Variants in SUCLA2 observed in about 807,000 individuals in gnomAD.
SUCLA2 encodes succinate-CoA ligase ADP-forming subunit beta.
A neutral mutation model predicts 54.8 loss-of-function variants in SUCLA2; 30 were observed. The ratio of observed to expected loss-of-function variants is 0.55; its 90% CI spans 0.41 to 0.74. The LOEUF (loss-of-function observed/expected upper bound fraction) is 0.74. Ranked by LOEUF, SUCLA2 falls within the 30% of genes least tolerant of loss-of-function variation. The pLI is 0.00. For missense variants in SUCLA2, 476 were observed against 562.9 expected, an observed-to-expected ratio of 0.85 and a Z score of 1.56; for synonymous variants, 172 against 188.9, an observed-to-expected ratio of 0.91 and a Z score of 0.74.
At chr13:47,990,278 G>A (rs1171569952) in intron 2 of SUCLA2, among the ~76,000 whole-genome samples, 7 of 152,142 alleles carry the variant, frequency 4.6e-5, no homozygotes, top group Non-Finnish European at 1.0e-4. Context: ...AATCCGGGAG[G>A]CGGAGGTTGC....
intron 10 of SUCLA2, among the ~76,000 whole-genome samples, chr13:47,943,719 G>A (rs1052689493): frequency 1.4e-5 from 2 of 148,114 alleles, no homozygotes; most frequent in African/African-American, 5.0e-5. Flanking sequence ...GATTATATAT[G>A]TGTGTATAAA....
chr13:47,950,040 C>T (rs9526419), intron 8 of SUCLA2, among the ~76,000 whole-genome samples: 142,494 of 152,294 alleles, frequency 0.94, 66,693 homozygotes, highest in East Asian at 1. Flanking sequence ...TAACACCATC[C>T]TGAAGCAAAA....
intron 10 of SUCLA2, among the ~76,000 whole-genome samples, chr13:47,946,912 A>G (rs183019110): frequency 6.6e-6 from 1 of 152,316 alleles, no homozygotes; most frequent in East Asian, 1.9e-4. Flanking sequence ...GAACTCAAGT[A>G]TTACCTCTTT....
intron 6 of SUCLA2, among the ~76,000 whole-genome samples, chr13:47,962,948 G>A (rs565849359): frequency 6.6e-6 from 1 of 152,296 alleles, no homozygotes; most frequent in South Asian, 2.1e-4. Context: ...TCCAGACAAT[G>A]AGACTCTTAC....
chr13:47,955,457 C>T (rs967614224), intron 6 of SUCLA2, among the ~76,000 whole-genome samples: 2 of 152,174 alleles, frequency 1.3e-5, no homozygotes, highest in African/African-American at 2.4e-5. Flanking sequence ...CCGCCTCAGC[C>T]TCTCAAAATG....
At chr13:47,989,503 TG>T (rs1186438718) in intron 2 of SUCLA2, among the ~76,000 whole-genome samples, 2 of 150,590 alleles carry the variant, frequency 1.3e-5, no homozygotes, top group African/African-American at 5.0e-5. Flanking sequence ...GAGCCAGTGC[TG>T]GGATTACAGG....
chr13:47,947,807 A>G (rs1949744833), intron 10 of SUCLA2, among the ~76,000 whole-genome samples: 3 of 152,194 alleles, frequency 2.0e-5, no homozygotes, highest in Admixed American at 2.0e-4. Context: ...AGATGCAACC[A>G]TTAAAATCCA....
intron 4 of SUCLA2, among the ~76,000 whole-genome samples, chr13:47,987,028 G>A (rs1950109881): frequency 6.6e-6 from 1 of 152,176 alleles, no homozygotes; most frequent in Non-Finnish European, 1.5e-5. Flanking sequence ...AATTTATAAT[G>A]TCTTCGGTCA....
At chr13:47,979,418 A>AT (rs1308865469) in intron 4 of SUCLA2, among the ~76,000 whole-genome samples, 3 of 152,164 alleles carry the variant, frequency 2.0e-5, no homozygotes, top group Admixed American at 6.5e-5. Flanking sequence ...TGTTCTCATC[A>AT]TAAGTGGGAG....
intron 10 of SUCLA2, among the ~76,000 whole-genome samples, chr13:47,943,764 G>GTATATATATATA (rs1366859649): frequency 2.5e-4 from 35 of 137,982 alleles, no homozygotes; most frequent in African/African-American, 8.3e-4. Flanking sequence ...GTGTGTGTGT[G>GTATATATATATA]TGTATATATA....
chr13:47,996,125 C>T (rs577646348), intron 2 of SUCLA2, among the ~76,000 whole-genome samples: 3 of 152,044 alleles, frequency 2.0e-5, no homozygotes, highest in African/African-American at 7.2e-5. Context: ...AGTTCAAGAC[C>T]AGCCTGGCCA....
intron 4 of SUCLA2, among the ~76,000 whole-genome samples, chr13:47,985,536 C>CTCCA (rs1950095751): frequency 6.6e-6 from 1 of 152,170 alleles, no homozygotes; most frequent in African/African-American, 2.4e-5. Context: ...TGGCTTCCAA[C>CTCCA]TCCATCCATA....
At chr13:47,995,107 G>T (rs990238016) in intron 2 of SUCLA2, among the ~76,000 whole-genome samples, 1 of 152,158 alleles carries the variant, frequency 6.6e-6, no homozygotes, top group Non-Finnish European at 1.5e-5. Flanking sequence ...TGTAGTTCCA[G>T]CTACTCAGAG....
chr13:47,979,042 C>A (rs1367082060), intron 4 of SUCLA2, among the ~76,000 whole-genome samples: 1 of 152,162 alleles, frequency 6.6e-6, no homozygotes, highest in Non-Finnish European at 1.5e-5. Flanking sequence ...TGTGGAGAAA[C>A]AGGAACACTT....
intron 4 of SUCLA2, among the ~76,000 whole-genome samples, chr13:47,976,597 T>C (rs773191401): frequency 3.9e-5 from 6 of 152,076 alleles, no homozygotes; most frequent in Non-Finnish European, 7.4e-5. Context: ...TACCAGAAAA[T>C]GTGTAACATC....
At chr13:47,958,894 T>C (rs1270617760) in intron 6 of SUCLA2, among the ~76,000 whole-genome samples, 1 of 152,220 alleles carries the variant, frequency 6.6e-6, no homozygotes, top group Non-Finnish European at 1.5e-5. Context: ...AAGAACTGAA[T>C]ACTTGTAATT....
intron 5 of SUCLA2, chr13:47,971,785 G>C: frequency 5.0e-6 from 2 of 397,720 alleles, no homozygotes; most frequent in Non-Finnish European, 8.9e-6. Flanking sequence ...GGGGACACAG[G>C]AATATTTTAA....
At chr13:47,970,555 T>C (rs1472571229) in intron 5 of SUCLA2, among the ~76,000 whole-genome samples, 1 of 152,176 alleles carries the variant, frequency 6.6e-6, no homozygotes, top group Non-Finnish European at 1.5e-5. Context: ...CTTAAAACTT[T>C]GTGCCGGTCA....
At chr13:47,955,756 A>G (rs1301416922) in intron 6 of SUCLA2, among the ~76,000 whole-genome samples, 2 of 152,036 alleles carry the variant, frequency 1.3e-5, no homozygotes, top group African/African-American at 4.8e-5. Flanking sequence ...CTCTACCAAA[A>G]TGGCTCTTAA....
Sources: allele counts gnomAD v4.1 joint callset (sites outside exome capture counted in the v4.1 genomes callset), GRCh38; gene constraint gnomAD v4.1.1; transcripts MANE v1.5; gene names NCBI Gene and HGNC (gene_info 2026-07-23, HGNC 2026-07-21).